The following TEAD1 variants were observed in gnomAD, a reference collection of about 807,000 sequenced individuals.
TEAD1 encodes TEA domain transcription factor 1.
A neutral mutation model predicts 54.9 loss-of-function variants in TEAD1; 9 were observed. The ratio of observed to expected loss-of-function variants is 0.16; its 90% CI spans 0.10 to 0.29. TEAD1 has a LOEUF of 0.29. TEAD1 is among the 10% of genes least tolerant of loss of function. TEAD1 has a pLI of 1.00. For synonymous variants in TEAD1, 200 were observed against 187.8 expected (o/e 1.07, Z -0.53); for missense variants, 387 against 535.9 (o/e 0.72, Z 2.74).
intron 3 of TEAD1, among the ~76,000 whole-genome samples, chr11:12,849,714 A>G (rs528812816): frequency 6.6e-6 from 1 of 152,262 alleles, no homozygotes; most frequent in Admixed American, 6.5e-5. Context: ...TTAATGCAAC[A>G]CCTCCAGCCT....
intron 11 of TEAD1, among the ~76,000 whole-genome samples, chr11:12,926,190 G>A (rs1005177091): frequency 1.3e-5 from 2 of 152,198 alleles, no homozygotes; most frequent in African/African-American, 4.8e-5. Flanking sequence ...TTGTGCTGAG[G>A]AGGGAGAGAG....
intron 2 of TEAD1, among the ~76,000 whole-genome samples, chr11:12,700,255 A>G (rs1003710054): frequency 6.6e-6 from 1 of 152,188 alleles, no homozygotes; most frequent in Non-Finnish European, 1.5e-5. Flanking sequence ...ACAGGAATGG[A>G]ATCTTCATTC....
intron 2 of TEAD1, among the ~76,000 whole-genome samples, chr11:12,677,124 T>C (rs111583372): frequency 6.6e-6 from 1 of 152,234 alleles, no homozygotes; most frequent in East Asian, 1.9e-4. Flanking sequence ...GCGGGGAACA[T>C]GCCTGAGAGA....
Position 12,930,332 on chromosome 11 carries a change from G to T in TEAD1, c.1167+6G>T. 6.2e-7 allele frequency: 1 copy of T among 1,614,080 alleles called. No individual in the cohort carries two copies. Among genetic ancestry groups the T allele is most frequent in the Non-Finnish European group, 8.5e-7 (1 of 1,179,974 alleles). The stretch of plus-strand genomic sequence containing the variant: ...AAAACTTCACAATTTTATTGGTAAT[G>T]GTTTTGTCTCTTTCCTCTGTGGGCA... On this transcript the variant is annotated splice_donor_region_variant and intron_variant, in intron 12 of 12. Transcript: ENST00000527636.
intron 2 of TEAD1, among the ~76,000 whole-genome samples, chr11:12,702,593 C>T (rs756524646): frequency 1.3e-4 from 20 of 152,092 alleles, no homozygotes; most frequent in South Asian, 2.1e-4. Flanking sequence ...TGTGGCTGAG[C>T]GGCTCCTCCA....
At chr11:12,840,984 T>C (rs966393837) in intron 3 of TEAD1, among the ~76,000 whole-genome samples, 1 of 152,164 alleles carries the variant, frequency 6.6e-6, no homozygotes, top group African/African-American at 2.4e-5. Flanking sequence ...CATCTCAAGT[T>C]ATCAGTTGTA....
At chr11:12,776,798 T>TATTATC (rs1202662670) in intron 3 of TEAD1, among the ~76,000 whole-genome samples, 2 of 116,114 alleles carry the variant, frequency 1.7e-5, no homozygotes, top group South Asian at 2.2e-4. Flanking sequence ...TTATTATTAT[T>TATTATC]ATCATTATTA....
intron 2 of TEAD1, among the ~76,000 whole-genome samples, chr11:12,690,614 C>T (rs1314512123): frequency 6.6e-6 from 1 of 152,092 alleles, no homozygotes; most frequent in Non-Finnish European, 1.5e-5. Flanking sequence ...TTTTTTGATG[C>T]AAATATTTCA....
chr11:12,743,035 T>G (rs1944676721), intron 2 of TEAD1, among the ~76,000 whole-genome samples: 1 of 152,230 alleles, frequency 6.6e-6, no homozygotes, highest in African/African-American at 2.4e-5. Flanking sequence ...AGCACCTTCT[T>G]GGTTTTCAGA....
At chr11:12,896,493 T>C (rs894351988) in intron 9 of TEAD1, among the ~76,000 whole-genome samples, 2 of 152,232 alleles carry the variant, frequency 1.3e-5, no homozygotes, top group African/African-American at 4.8e-5. Flanking sequence ...TCTACTTTCA[T>C]GTGTAATGGA....
rs990510161 is a variant in TEAD1 at position 12,925,194 on chromosome 11, G to T, written c.1014+142G>T. On this transcript the variant is annotated intron_variant, in intron 11 of 12. Coordinates refer to ENST00000527636, the MANE Select transcript of TEAD1 (RefSeq NM_021961.6). The stretch of plus-strand genomic sequence containing the variant: ...TAGTCCATTCTCACACTGCTATGAA[G>T]AACTACCTGAAAATGGGTAGTTTAT... 15 of 951,594 alleles carry T rather than the reference G, an allele frequency of 1.6e-5. No individual in the cohort carries two copies. In the South Asian group the frequency reaches 2.1e-4, roughly 14 times the overall value. The allele number at this position is 951,594 out of a possible 1,614,324, so 58.9% of individuals were successfully genotyped here.
intron 10 of TEAD1, among the ~76,000 whole-genome samples, chr11:12,907,474 T>C (rs192805504): frequency 6.6e-6 from 1 of 152,370 alleles, no homozygotes; most frequent in East Asian, 1.9e-4. Context: ...TTCCTTTTCA[T>C]GACAGCCTCT....
chr11:12,840,780 G>A (rs560306665), intron 3 of TEAD1, among the ~76,000 whole-genome samples: 2 of 152,104 alleles, frequency 1.3e-5, no homozygotes, highest in Non-Finnish European at 2.9e-5. Context: ...CTTTCTGCAC[G>A]GGCCCCTGTG....
intron 3 of TEAD1, among the ~76,000 whole-genome samples, chr11:12,859,659 T>G (rs1310720511): frequency 6.6e-6 from 1 of 152,194 alleles, no homozygotes; most frequent in Non-Finnish European, 1.5e-5. Context: ...AAAACTGAAT[T>G]TAGAGGTTCT....
intron 2 of TEAD1, among the ~76,000 whole-genome samples, chr11:12,702,102 T>A (rs2084886351): frequency 6.6e-6 from 1 of 152,132 alleles, no homozygotes; most frequent in Admixed American, 6.5e-5. Context: ...TGATGTTACT[T>A]TTCTGTGTAC....
At chr11:12,816,665 C>T (rs7938524) in intron 3 of TEAD1, among the ~76,000 whole-genome samples, 6,918 of 152,158 alleles carry the variant, frequency 0.045, 566 homozygotes, top group African/African-American at 0.16. Flanking sequence ...ATACACAAGC[C>T]AGGTACAAGA....
At chr11:12,847,185 T>A (rs1007488078) in intron 3 of TEAD1, among the ~76,000 whole-genome samples, 3 of 152,030 alleles carry the variant, frequency 2.0e-5, no homozygotes, top group African/African-American at 7.3e-5. Flanking sequence ...ATTTTTTCTT[T>A]CAGGGAGAGA....
chr11:12,809,083 A>G (rs2133985366), intron 3 of TEAD1, among the ~76,000 whole-genome samples: 1 of 152,324 alleles, frequency 6.6e-6, no homozygotes, highest in Middle Eastern at 3.4e-3. Flanking sequence ...TGGCACAAGC[A>G]CTGGTTTTCT....
chr11:12,840,625 C>T (rs1252907537), intron 3 of TEAD1, among the ~76,000 whole-genome samples: 3 of 152,066 alleles, frequency 2.0e-5, no homozygotes, highest in South Asian at 2.1e-4. Context: ...TTGGAAGTGC[C>T]GTCTATGTTA....
Sources: gnomAD v4.1 joint callset for allele counts (sites outside exome capture counted in the v4.1 genomes callset) on GRCh38, gnomAD v4.1.1 for gene constraint, MANE v1.5 for transcripts, NCBI Gene and HGNC (gene_info 2026-07-23, HGNC 2026-07-21) for gene names.